PDE4B: variants seen among roughly 807,000 people sequenced by gnomAD.
PDE4B encodes 3',5'-cyclic-AMP phosphodiesterase 4B.
In PDE4B, 20 loss-of-function variants were observed where a neutral mutation model predicts 82.2. That is an observed-to-expected ratio of 0.24 (90% CI 0.17 to 0.35). The LOEUF (loss-of-function observed/expected upper bound fraction) is 0.35. Among genes scored for constraint, PDE4B ranks in the 10% least tolerant of loss-of-function variants. The pLI is 1.00. For synonymous variants in PDE4B, 320 were observed against 318.9 expected (o/e 1.00, Z -0.04); for missense variants, 655 against 907.2 (o/e 0.72, Z 3.57).
chr1:66,295,390 A>T (rs546708717), intron 7 of PDE4B, among the ~76,000 whole-genome samples: 342 of 152,116 alleles, frequency 2.2e-3, no homozygotes, highest in African/African-American at 8.1e-3. Context: ...GCTTTACTTG[A>T]TATTTTCTAT....
intron 7 of PDE4B, among the ~76,000 whole-genome samples, chr1:66,316,759 A>G (rs536499476): frequency 8.9e-4 from 136 of 152,384 alleles, no homozygotes; most frequent in Non-Finnish European, 8.4e-4. Context: ...CACAGCTGAT[A>G]GCTACAATCT....
chr1:66,234,313 G>A (rs1422915527), intron 3 of PDE4B, among the ~76,000 whole-genome samples: 1 of 152,130 alleles, frequency 6.6e-6, no homozygotes, highest in Non-Finnish European at 1.5e-5. Context: ...TTTTGAGACG[G>A]AGTCTTGCTC....
chr1:66,098,293 C>A (rs1645156050), intron 3 of PDE4B, among the ~76,000 whole-genome samples: 1 of 152,106 alleles, frequency 6.6e-6, no homozygotes, highest in Non-Finnish European at 1.5e-5. Flanking sequence ...AAACTCTGAT[C>A]TCTACCTTAA....
At chr1:66,238,054 G>C (rs1652599320) in intron 3 of PDE4B, among the ~76,000 whole-genome samples, 1 of 152,194 alleles carries the variant, frequency 6.6e-6, no homozygotes, top group South Asian at 2.1e-4. Context: ...GAATTTTTTA[G>C]TAGATGACTT....
chr1:66,318,470 C>G (rs6698834), intron 7 of PDE4B, among the ~76,000 whole-genome samples: 71,570 of 152,012 alleles, frequency 0.47, 18,320 homozygotes, highest in East Asian at 0.81. Flanking sequence ...CAGTCTGAAT[C>G]CACTAAGTCT....
chr1:65,813,526 A>C (rs1645843810), intron 1 of PDE4B, among the ~76,000 whole-genome samples: 1 of 152,146 alleles, frequency 6.6e-6, no homozygotes, highest in Non-Finnish European at 1.5e-5. Context: ...CAGATTTTAG[A>C]AGTGAACAAT....
intron 3 of PDE4B, among the ~76,000 whole-genome samples, chr1:66,245,467 A>G (rs1286318047): frequency 2.0e-5 from 3 of 152,190 alleles, no homozygotes; most frequent in Non-Finnish European, 2.9e-5. Context: ...GGTGGCACAC[A>G]AAAAAGCCCT....
At chr1:66,240,503 C>T (rs1045099499) in intron 3 of PDE4B, among the ~76,000 whole-genome samples, 1 of 152,196 alleles carries the variant, frequency 6.6e-6, no homozygotes, top group African/African-American at 2.4e-5. Context: ...ACCTACATGG[C>T]TGGATAGAGC....
chr1:65,969,095 G>A (rs1027033023), intron 3 of PDE4B, among the ~76,000 whole-genome samples: 2 of 152,178 alleles, frequency 1.3e-5, no homozygotes, highest in East Asian at 1.9e-4. Flanking sequence ...GGATAAGCTG[G>A]CTATGATGCT....
At chr1:65,805,139 A>G (rs534734299) in intron 1 of PDE4B, among the ~76,000 whole-genome samples, 2 of 151,910 alleles carry the variant, frequency 1.3e-5, no homozygotes, top group East Asian at 3.9e-4. Context: ...TAAGTTTTAT[A>G]TTTTTAGTAG....
chr1:66,018,843 T>A (rs1652926655), intron 3 of PDE4B, among the ~76,000 whole-genome samples: 1 of 152,216 alleles, frequency 6.6e-6, no homozygotes, highest in African/African-American at 2.4e-5. Flanking sequence ...ATAATACGTG[T>A]GTATTATAAT....
chr1:66,143,989 T>C (rs866279231), intron 3 of PDE4B, among the ~76,000 whole-genome samples: 1 of 152,210 alleles, frequency 6.6e-6, no homozygotes, highest in South Asian at 2.1e-4. Context: ...GGGAGAAAAA[T>C]AAACTTCTTA....
chr1:66,005,751 G>A (rs868308086), intron 3 of PDE4B, among the ~76,000 whole-genome samples: 10 of 152,196 alleles, frequency 6.6e-5, no homozygotes, highest in African/African-American at 2.2e-4. Context: ...TTAAGCAACT[G>A]CTTCATCTGA....
intron 3 of PDE4B, among the ~76,000 whole-genome samples, chr1:66,240,043 T>C (rs565221732): frequency 6.6e-6 from 1 of 152,362 alleles, no homozygotes; most frequent in Non-Finnish European, 1.5e-5. Context: ...CTTAGAGCCC[T>C]GTGGAAGGCA....
At chr1:66,203,077 TA>T (rs368446385) in intron 3 of PDE4B, among the ~76,000 whole-genome samples, 29,402 of 149,830 alleles carry the variant, frequency 0.2, 3,028 homozygotes, top group East Asian at 0.25. Flanking sequence ...TGCTTGTCTG[TA>T]AAGTATTTTA....
At chr1:66,032,157 C>G (rs1200722270) in intron 3 of PDE4B, among the ~76,000 whole-genome samples, 1 of 152,154 alleles carries the variant, frequency 6.6e-6, no homozygotes, top group Non-Finnish European at 1.5e-5. Context: ...GAAAATAATG[C>G]CCACCTCATA....
At chr1:66,267,325 G>A (rs933027025) in intron 7 of PDE4B, 22 of 152,166 alleles carry the variant, frequency 1.4e-4, no homozygotes, top group African/African-American at 5.3e-4. Flanking sequence ...AAAATAGGAT[G>A]TTTTAACATA....
chr1:66,153,019 T>C (rs1426728086), intron 3 of PDE4B, among the ~76,000 whole-genome samples: 2 of 152,172 alleles, frequency 1.3e-5, no homozygotes, highest in Non-Finnish European at 2.9e-5. Flanking sequence ...CAGATTATTG[T>C]TTGATTAAAT....
At chr1:66,095,458 G>A in intron 3 of PDE4B, among the ~76,000 whole-genome samples, 1 of 151,868 alleles carries the variant, frequency 6.6e-6, no homozygotes, top group East Asian at 1.9e-4. Flanking sequence ...ATAGCTAATA[G>A]TGGAATACCT....
Sources: allele counts gnomAD v4.1 joint callset (sites outside exome capture counted in the v4.1 genomes callset), GRCh38; gene constraint gnomAD v4.1.1; transcripts MANE v1.5; gene names NCBI Gene and HGNC (gene_info 2026-07-23, HGNC 2026-07-21).